Variants in RELCH observed in about 807,000 individuals in gnomAD.
RELCH encodes RAB11 binding and LisH domain, coiled-coil and HEAT repeat containing, also known as RAB11-binding protein RELCH.
Under a neutral mutation model 150.3 loss-of-function variants are expected in RELCH, and 41 were observed. The observed-to-expected ratio is 0.27, with a 90% CI of 0.21 to 0.35. The LOEUF is 0.35. Among genes scored for constraint, RELCH ranks in the 10% least tolerant of loss-of-function variants. The pLI is 1.00. For synonymous variants in RELCH, 478 were observed against 531.8 expected (o/e 0.90, Z 1.39); for missense variants, 1,092 against 1,467.8 (o/e 0.74, Z 4.18).
intron 1 of RELCH, among the ~76,000 whole-genome samples, chr18:62,191,848 A>G (rs778168618): frequency 4.6e-5 from 7 of 152,168 alleles, no homozygotes; most frequent in African/African-American, 1.4e-4. Context: ...TAGTGCTGCA[A>G]TGAAGATACA....
chr18:62,270,711 G>A (rs117414380), intron 20 of RELCH, among the ~76,000 whole-genome samples: 3,427 of 151,706 alleles, frequency 0.023, 39 homozygotes, highest in Middle Eastern at 0.071. Context: ...TCGTTACATC[G>A]GTATACATGT....
rs1366981018 is a variant in RELCH, at chr18:62,211,253, T to G, written c.616+11T>G. ...ATGAAAAAGTGGCAGGTGAGTAAAA[T>G]TGTAAGGACAGATTTGGATTCTTTG... On this transcript the variant is annotated intron_variant, in intron 2 of 28. Transcript: ENST00000644646. 1 of 1,504,220 alleles carries G rather than the reference T, an allele frequency of 6.6e-7. No individual in the cohort carries two copies. The highest frequency in any genetic ancestry group is 1.1e-5 in the South Asian group (1 of 87,492). The allele number at this position is 1,504,220 out of a possible 1,614,324, so 93.2% of individuals were successfully genotyped here. A position where few individuals can be genotyped will look rare whatever the true frequency, so the allele number is the denominator to read the frequency against.
At chr18:62,221,309 C>T in intron 4 of RELCH, 35 bp downstream of exon 4, 2 of 1,561,228 alleles carry the variant, frequency 1.3e-6, no homozygotes, top group Non-Finnish European at 1.8e-6. Context: ...AATTAATCTT[C>T]CACATTAAAT....
intron 5 of RELCH, among the ~76,000 whole-genome samples, chr18:62,223,621 C>T (rs1051031143): frequency 2.0e-5 from 3 of 151,952 alleles, no homozygotes; most frequent in African/African-American, 7.2e-5. Flanking sequence ...AAAGACACTG[C>T]AAACAAATAA....
At chr18:62,228,147 C>G (rs967025531) in intron 7 of RELCH, among the ~76,000 whole-genome samples, 158 bp from the exon 8 acceptor site, 10 of 152,148 alleles carry the variant, frequency 6.6e-5, no homozygotes, top group Non-Finnish European at 1.5e-4. Flanking sequence ...TATGAAGCAT[C>G]AGTGAATATT....
rs1162226381 is a variant in RELCH, at chr18:62,307,605, T to TTA, written c.*2071_*2072insTA. On this transcript the variant is annotated 3_prime_UTR_variant, in exon 29 of 29. Transcript: ENST00000644646. ...TTTTTAGTAAAATATGTCTTGTCTT[T>TTA]ACAGACAAGACAGACACTAATCATT... 1 of 152,128 alleles carries TTA rather than the reference T, an allele frequency of 6.6e-6. No individual in the cohort carries two copies. The highest frequency in any genetic ancestry group is 6.5e-5 in the Admixed American group (1 of 15,278). 9.4% of individuals were successfully genotyped at this position (152,128 alleles called of 1,614,324 possible). A position where few individuals can be genotyped will look rare whatever the true frequency, so the allele number is the denominator to read the frequency against.
At chr18:62,289,413 G>T (rs1442683458) in intron 26 of RELCH, among the ~76,000 whole-genome samples, 1 of 152,138 alleles carries the variant, frequency 6.6e-6, no homozygotes, top group Non-Finnish European at 1.5e-5. Context: ...AAAAACTATA[G>T]TGTATAACAT....
At chr18:62,268,983 T>C in intron 20 of RELCH, 35 bp downstream of exon 20, 1 of 1,160,922 alleles carries the variant, frequency 8.6e-7, no homozygotes, top group Non-Finnish European at 1.2e-6. Context: ...AGTAAAAGGC[T>C]TTCCATTTAG....
chr18:62,298,941 G>A (rs1274543344), intron 28 of RELCH, 81 bp downstream of exon 28: 1 of 742,946 alleles, frequency 1.3e-6, no homozygotes, highest in Non-Finnish European at 2.3e-6. Flanking sequence ...AGTGTAATGT[G>A]TCATTTTGTG....
intron 20 of RELCH, among the ~76,000 whole-genome samples, chr18:62,270,389 T>C (rs2043827422): frequency 6.6e-6 from 1 of 152,196 alleles, no homozygotes; most frequent in Admixed American, 6.6e-5. Flanking sequence ...TGCCACACTC[T>C]ACTTAACATT....
At position 62,264,128 on chromosome 18, in the gene RELCH, G is replaced by A; in HGVS notation, c.2490G>A (p.Leu830=). 1 of 1,599,632 alleles carries A rather than the reference G, an allele frequency of 6.3e-7. No homozygotes were observed. Among genetic ancestry groups the A allele is most frequent in the Non-Finnish European group, 8.5e-7 (1 of 1,174,454 alleles). ...GTACAACAGGCTGGGAGAGTTTACT[G>A]TGGGTTGTCAATCAATTGTAAGTTA... ...QEGTTGWESL[L]WVVNQLLPQL... is the part of the protein sequence containing the mutation. Residue 830 remains leucine (L), a synonymous_variant, in exon 17 of 29, where the codon CTG becomes CTA. Coordinates refer to ENST00000644646, the MANE Select transcript of RELCH (RefSeq NM_001346231.2).
chr18:62,291,604 C>T lies in RELCH; in HGVS notation c.3432C>T (p.Asp1144=), dbSNP rs769745027. The part of the protein sequence containing the change: ...FLPGLRCLRT[D]MEHLSPEHEV... Reference sequence around the variant, plus strand: ...CTGGTCTCAGATGTTTACGGACTGACATGGAACATCTCTCTCCAGAGCATG... The same window carrying T: ...CTGGTCTCAGATGTTTACGGACTGATATGGAACATCTCTCTCCAGAGCATG... Residue 1144 remains aspartate (D), a synonymous_variant, in exon 27 of 29, where the codon GAC becomes GAT. Coordinates refer to ENST00000644646, the MANE Select transcript of RELCH (RefSeq NM_001346231.2). The T allele has an allele frequency of 1.9e-6, 3 of 1,608,716 alleles. No homozygotes were observed. In the Admixed American group the frequency reaches 5.1e-5, roughly 27 times the overall value.
rs776225572 is a variant in RELCH, at chr18:62,227,511, T to A, written c.1062+19T>A. 6.2e-6 allele frequency: 10 copies of A among 1,601,042 alleles called. No homozygotes were observed. The highest frequency in any genetic ancestry group is 8.6e-6 in the Non-Finnish European group (10 of 1,169,182). ...TGCAGAGGTGAGAGATAGCAACTAATTAGTCAAGTCCACAGAAAGTATTTA... is the reference window on the plus strand; with the variant it reads ...TGCAGAGGTGAGAGATAGCAACTAAATAGTCAAGTCCACAGAAAGTATTTA... On this transcript the variant is annotated intron_variant, in intron 6 of 28. Coordinates refer to ENST00000644646, the MANE Select transcript of RELCH (RefSeq NM_001346231.2).
At chr18:62,224,809 T>G (rs1199684491) in intron 5 of RELCH, among the ~76,000 whole-genome samples, 1 of 152,090 alleles carries the variant, frequency 6.6e-6, no homozygotes, top group Non-Finnish European at 1.5e-5. Context: ...ACAATTTTGA[T>G]TTGTATTTTC....
rs370749803 is a variant in RELCH, at chr18:62,257,936, G to A, written c.1897-12G>A. 1.4e-5 allele frequency: 22 copies of A among 1,579,662 alleles called. No homozygotes were observed. Among genetic ancestry groups the A allele is most frequent in the Middle Eastern group, 1.7e-4 (1 of 5,860 alleles). On this transcript the variant is annotated splice_polypyrimidine_tract_variant and intron_variant, in intron 13 of 28. Transcript: ENST00000644646. ...AGGTGTAAATAAATAGTAAAAACAT[G>A]TTTATTTTCAGAAAGAAATCCGTAG... is the stretch of plus-strand genomic sequence containing the variant.
Position 62,264,867 on chromosome 18 carries a change from T to C in RELCH, c.2631+15T>C. 3.1e-6 allele frequency: 5 copies of C among 1,591,448 alleles called. No individual in the cohort carries two copies. Among genetic ancestry groups the C allele is most frequent in the Non-Finnish European group, 4.3e-6 (5 of 1,168,802 alleles). On this transcript the variant is annotated intron_variant, in intron 18 of 28. Transcript: ENST00000644646. ...CAAACACTAAGGTAAAAACTTGTATTCCATGTTTTCTTATATGAAAAAGAC... is the reference window on the plus strand; with the variant it reads ...CAAACACTAAGGTAAAAACTTGTATCCCATGTTTTCTTATATGAAAAAGAC...
chr18:62,270,579 CTTAT>C (rs1157160225), intron 20 of RELCH, among the ~76,000 whole-genome samples: 1 of 152,058 alleles, frequency 6.6e-6, no homozygotes, highest in Admixed American at 6.6e-5. Context: ...CCACTACTAA[CTTAT>C]TTATTTTGCT....
chr18:62,287,260 T>A, intron 25 of RELCH, 91 bp from the exon 26 acceptor site: 1 of 693,028 alleles, frequency 1.4e-6, no homozygotes. Flanking sequence ...TGAAATTTCA[T>A]AAATTAAAGT....
rs1195088886 is a variant in RELCH, at chr18:62,232,252, G to T, written c.1525-80G>T. ...GTGTGTTTAGGGCAGAGGTATCAGG[G>T]CCTAAAGAATGAACTTTTCCATATT... On this transcript the variant is annotated intron_variant, in intron 9 of 28. Coordinates refer to ENST00000644646, the MANE Select transcript of RELCH (RefSeq NM_001346231.2). The T allele has an allele frequency of 5.0e-6, 4 of 807,556 alleles. No homozygotes were observed. In the Admixed American group the frequency reaches 7.2e-5, roughly 15 times the overall value. 50.0% of individuals were successfully genotyped at this position (807,556 alleles called of 1,614,324 possible). A position where few individuals can be genotyped will look rare whatever the true frequency, so the allele number is the denominator to read the frequency against.
Sources: gnomAD v4.1 joint callset for allele counts (sites outside exome capture counted in the v4.1 genomes callset) on GRCh38, gnomAD v4.1.1 for gene constraint, MANE v1.5 for transcripts, NCBI Gene and HGNC (gene_info 2026-07-23, HGNC 2026-07-21) for gene names.